ANKS1B: variants seen among roughly 807,000 people sequenced by gnomAD.
ANKS1B encodes the protein ankyrin repeat and sterile alpha motif domain containing 1B, also known as ankyrin repeat and sterile alpha motif domain-containing protein 1B.
Under a neutral mutation model 148.3 loss-of-function variants are expected in ANKS1B, and 36 were observed. The observed-to-expected ratio is 0.24, with a 90% CI of 0.19 to 0.32. ANKS1B has a LOEUF of 0.32. ANKS1B is among the 10% of genes least tolerant of loss of function. ANKS1B has a pLI of 1.00. For synonymous variants in ANKS1B, 542 were observed against 560.8 expected (o/e 0.97, Z 0.47); for missense variants, 1,157 against 1,542.6 (o/e 0.75, Z 4.19).
chr12:98,893,484 G>A (rs969603713), intron 17 of ANKS1B: 1 of 152,208 alleles, frequency 6.6e-6, no homozygotes, highest in Admixed American at 6.5e-5. Context: ...CCAAAGAAGA[G>A]AACTAGACTC....
chr12:99,126,678 T>A (rs2064453802), intron 15 of ANKS1B, among the ~76,000 whole-genome samples: 1 of 152,200 alleles, frequency 6.6e-6, no homozygotes, highest in Non-Finnish European at 1.5e-5. Context: ...AGTTCGACAT[T>A]TATTTTTTAA....
chr12:99,657,058 G>T (rs1003273264), intron 8 of ANKS1B, among the ~76,000 whole-genome samples: 2 of 147,828 alleles, frequency 1.4e-5, no homozygotes, highest in African/African-American at 4.9e-5. Flanking sequence ...ATCAGTTGCT[G>T]TCTATAAAAT....
intron 1 of ANKS1B, among the ~76,000 whole-genome samples, chr12:99,872,644 TA>T (rs1339712247): frequency 2.0e-5 from 3 of 152,168 alleles, no homozygotes; most frequent in Non-Finnish European, 1.5e-5. Flanking sequence ...TCTGAAATGC[TA>T]AAAACAATTT....
chr12:99,040,264 A>G (rs1458432786), intron 17 of ANKS1B, among the ~76,000 whole-genome samples: 1 of 151,050 alleles, frequency 6.6e-6, no homozygotes, highest in Non-Finnish European at 1.5e-5. Flanking sequence ...CTCTCTCTCT[A>G]TGTGCGTGTG....
At chr12:98,764,109 C>T (rs1466497970) in intron 25 of ANKS1B, among the ~76,000 whole-genome samples, 1 of 152,186 alleles carries the variant, frequency 6.6e-6, no homozygotes, top group African/African-American at 2.4e-5. Context: ...AATCTTTATC[C>T]TGTAACTTGG....
chr12:99,192,990 A>G (rs932351105), intron 14 of ANKS1B, among the ~76,000 whole-genome samples: 2 of 152,142 alleles, frequency 1.3e-5, no homozygotes, highest in Admixed American at 6.6e-5. Flanking sequence ...AGAAGAGAAA[A>G]ATTTTTAAAT....
Position 99,092,405 on chromosome 12 carries a change from C to A in ANKS1B, c.2527-7382G>T, listed in dbSNP as rs1057327511. Among the ~76,000 whole-genome samples, 3 of 141,024 alleles carry A rather than the reference C, an allele frequency of 2.1e-5. No individual in the cohort carries two copies. In the East Asian group the frequency reaches 6.7e-4, roughly 32 times the overall value. 92.5% of individuals were successfully genotyped at this position (141,024 alleles called of 152,430 possible). ...TATCTGAAGAAGAACGTGCCAGAAG[C>A]GGAGATGAAAGGAAAACAGTTAGCA... On this transcript the variant is annotated intron_variant, in intron 15 of 26. Coordinates refer to ENST00000683438, the MANE Select transcript of ANKS1B (RefSeq NM_001352186.2).
chr12:98,858,275 G>C (rs1169625687), intron 17 of ANKS1B, among the ~76,000 whole-genome samples: 1 of 152,178 alleles, frequency 6.6e-6, no homozygotes, highest in Admixed American at 6.5e-5. Context: ...TCATAGTTTA[G>C]AGTAGAAGAG....
At position 99,075,913 on chromosome 12, in the gene ANKS1B, G is replaced by A. The variant is rs749219074; in HGVS notation, c.2625+9012C>T. The stretch of plus-strand genomic sequence containing the variant: ...ATATTGTATATAATAGGTTATAATA[G>A]GAATATAATATGTTAATGTTATACA... On this transcript the variant is annotated intron_variant, in intron 16 of 26. Coordinates refer to ENST00000683438, the MANE Select transcript of ANKS1B (RefSeq NM_001352186.2). Among the ~76,000 whole-genome samples the A allele has an allele frequency of 5.4e-5, 8 of 148,652 alleles. No homozygotes were observed. In the South Asian group the frequency reaches 1.7e-3, roughly 31 times the overall value.
intron 1 of ANKS1B, among the ~76,000 whole-genome samples, chr12:99,850,743 T>C (rs2087681710): frequency 6.6e-6 from 1 of 152,156 alleles, no homozygotes; most frequent in African/African-American, 2.4e-5. Flanking sequence ...TATGTTAATG[T>C]CAAGTTTAAG....
chr12:98,879,287 AT>A (rs1223074924), intron 17 of ANKS1B, among the ~76,000 whole-genome samples: 1 of 152,226 alleles, frequency 6.6e-6, no homozygotes, highest in Non-Finnish European at 1.5e-5. Flanking sequence ...TCTATCTAAT[AT>A]TTAGTCTTCA....
chr12:99,634,612 T>G (rs1332462425), intron 9 of ANKS1B, among the ~76,000 whole-genome samples: 1 of 152,166 alleles, frequency 6.6e-6, no homozygotes, highest in African/African-American at 2.4e-5. Flanking sequence ...AAATAATCTC[T>G]AAATTTGCTA....
chr12:99,382,606 A>C (rs1475035923), intron 12 of ANKS1B, among the ~76,000 whole-genome samples: 1 of 151,562 alleles, frequency 6.6e-6, no homozygotes, highest in Non-Finnish European at 1.5e-5. Context: ...GCTGAGGCAC[A>C]AGAATCACTT....
chr12:98,989,176 T>A (rs1470451807), intron 17 of ANKS1B, among the ~76,000 whole-genome samples: 1 of 152,204 alleles, frequency 6.6e-6, no homozygotes, highest in African/African-American at 2.4e-5. Flanking sequence ...TTAAAAAAAA[T>A]AATTGCCTAG....
intron 25 of ANKS1B, among the ~76,000 whole-genome samples, chr12:98,756,110 G>C (rs953635573): frequency 5.3e-5 from 8 of 152,112 alleles, no homozygotes; most frequent in African/African-American, 1.9e-4. Flanking sequence ...CAGCACTTTG[G>C]GAGGCTGATA....
chr12:99,806,379 A>G (rs528945077), intron 4 of ANKS1B, 25 bp downstream of exon 4: 2 of 1,610,068 alleles, frequency 1.2e-6, no homozygotes, highest in East Asian at 2.2e-5. Context: ...CATCACTTTT[A>G]AAGCATAGCT....
At chr12:99,772,813 T>G (rs960516347) in intron 8 of ANKS1B, 109 bp downstream of exon 8, 104 of 1,158,020 alleles carry the variant, frequency 9.0e-5, no homozygotes, top group South Asian at 1.9e-4. Context: ...GAAACTGACA[T>G]CTTAGAGTGG....
intron 17 of ANKS1B, among the ~76,000 whole-genome samples, chr12:99,022,134 G>A (rs2099946161): frequency 6.6e-6 from 1 of 152,168 alleles, no homozygotes; most frequent in Admixed American, 6.5e-5. Flanking sequence ...CAGTTACAGC[G>A]TGTTTCCCCA....
intron 1 of ANKS1B, among the ~76,000 whole-genome samples, chr12:99,983,782 T>C (rs1211937722): frequency 6.6e-6 from 1 of 152,148 alleles, no homozygotes; most frequent in Non-Finnish European, 1.5e-5. Context: ...AAATATGTAA[T>C]AAATGTTGAT....
Sources: gnomAD v4.1 joint callset for allele counts (sites outside exome capture counted in the v4.1 genomes callset) on GRCh38, gnomAD v4.1.1 for gene constraint, MANE v1.5 for transcripts, NCBI Gene and HGNC (gene_info 2026-07-23, HGNC 2026-07-21) for gene names.